Variants in DSCAM observed in about 807,000 individuals in gnomAD.
DSCAM encodes the protein cell adhesion molecule DSCAM.
Under a neutral mutation model 217.7 loss-of-function variants are expected in DSCAM, and 47 were observed. That is an observed-to-expected ratio of 0.22 (90% CI 0.17 to 0.28). The LOEUF (loss-of-function observed/expected upper bound fraction) is 0.28, where lower values mean the gene tolerates loss of function less well. DSCAM is among the 10% of genes least tolerant of loss of function. The pLI is 1.00. For missense variants in DSCAM, 2,080 were observed against 2,618.3 expected (o/e 0.79, Z 4.49); for synonymous variants, 1,056 against 1,015.3 (o/e 1.04, Z -0.76).
chr21:40,394,520 G>T (rs963080334), intron 3 of DSCAM, among the ~76,000 whole-genome samples: 1 of 152,176 alleles, frequency 6.6e-6, no homozygotes, highest in African/African-American at 2.4e-5. Context: ...CGTTTTAACC[G>T]CTTCCAGAGC....
At chr21:40,527,892 G>A (rs975680044) in intron 3 of DSCAM, among the ~76,000 whole-genome samples, 39 of 152,178 alleles carry the variant, frequency 2.6e-4, no homozygotes, top group Admixed American at 2.0e-3. Flanking sequence ...AAGACCACCC[G>A]CCTCATAGCT....
chr21:40,705,471 T>C (rs2090703652), intron 2 of DSCAM, among the ~76,000 whole-genome samples: 1 of 152,160 alleles, frequency 6.6e-6, no homozygotes, highest in Admixed American at 6.5e-5. Flanking sequence ...TACCCAAGAC[T>C]GGGCAATTTA....
chr21:40,051,753 A>G (rs2088935155), intron 30 of DSCAM, among the ~76,000 whole-genome samples: 1 of 152,222 alleles, frequency 6.6e-6, no homozygotes, highest in Non-Finnish European at 1.5e-5. Context: ...TATAGTAACC[A>G]ATACTAACAG....
chr21:40,693,959 T>C (rs1405814002), intron 2 of DSCAM, among the ~76,000 whole-genome samples: 1 of 152,122 alleles, frequency 6.6e-6, no homozygotes, highest in East Asian at 1.9e-4. Flanking sequence ...GCAAATCCTC[T>C]CACCATCTAT....
chr21:40,692,935 A>G lies in DSCAM; in HGVS notation c.383T>C (p.Val128Ala), dbSNP rs778173590. The G allele has an allele frequency of 3.1e-6, 5 of 1,613,880 alleles. No individual in the cohort carries two copies. The East Asian group carries it at 8.9e-5, about 29-fold the overall frequency. The change falls in exon 3 of 33, where the codon GTC (valine) becomes GCC (alanine). Residue 128 changes from valine (V) to alanine (A), a missense_variant. This residue lies in a region of DSCAM where 568 missense variants were observed against 678.1 expected (regional missense o/e 0.84). Transcript: ENST00000400454. ...CATGGTTTTCTGGTCCTCCACACGG[A>G]CTGTATAGGGCTCCCGTAAAACTGG... ...IKAVLREPYT[V>A]RVEDQKTMRG...
rs1461273739 is a variant in DSCAM, at chr21:40,846,667, T to A, written c.-6A>T. 5.2e-6 allele frequency: 6 copies of A among 1,162,226 alleles called. No individual in the cohort carries two copies. Among genetic ancestry groups the A allele is most frequent in the East Asian group, 4.7e-5 (1 of 21,440 alleles). 72.0% of individuals were successfully genotyped at this position (1,162,226 alleles called of 1,614,324 possible). On this transcript the variant is annotated 5_prime_UTR_variant, in exon 1 of 33. Coordinates refer to ENST00000400454, the MANE Select transcript of DSCAM (RefSeq NM_001389.5). ...GAGAGAGCCAGTATCCACATGCCCC[T>A]GCCGCTCCCCGGCCTCCCGCGAGCG...
chr21:40,301,948 T>C (rs2074021362), intron 9 of DSCAM, among the ~76,000 whole-genome samples: 1 of 152,116 alleles, frequency 6.6e-6, no homozygotes, highest in Non-Finnish European at 1.5e-5. Context: ...GCCAAGAAGA[T>C]ACAGAGCCTG....
intron 3 of DSCAM, among the ~76,000 whole-genome samples, chr21:40,668,460 G>C (rs2090229585): frequency 6.6e-6 from 1 of 152,156 alleles, no homozygotes; most frequent in Non-Finnish European, 1.5e-5. Flanking sequence ...TAAGGGCATT[G>C]GTATTTGTAA....
At chr21:40,210,257 G>T (rs950581782) in intron 11 of DSCAM, among the ~76,000 whole-genome samples, 1 of 152,066 alleles carries the variant, frequency 6.6e-6, no homozygotes, top group Non-Finnish European at 1.5e-5. Context: ...AGCCCTCCCT[G>T]ACCTCACCCC....
chr21:40,595,835 C>T (rs1030892090), intron 3 of DSCAM, among the ~76,000 whole-genome samples: 4 of 152,184 alleles, frequency 2.6e-5, no homozygotes, highest in South Asian at 2.1e-4. Flanking sequence ...ATCCAAACAT[C>T]GCGAATGAGA....
intron 11 of DSCAM, among the ~76,000 whole-genome samples, chr21:40,218,448 T>C (rs1007443102): frequency 1.3e-5 from 2 of 152,238 alleles, no homozygotes; most frequent in African/African-American, 4.8e-5. Context: ...CTTTGTTCTT[T>C]TTGCTTAAGA....
intron 3 of DSCAM, among the ~76,000 whole-genome samples, chr21:40,386,290 A>AC (rs1204420212): frequency 1.3e-5 from 2 of 152,250 alleles, no homozygotes; most frequent in Admixed American, 1.3e-4. Flanking sequence ...TAAAAGGAAA[A>AC]TACTGTCAGG....
At chr21:40,561,225 TG>T (rs1281004208) in intron 3 of DSCAM, among the ~76,000 whole-genome samples, 3 of 152,274 alleles carry the variant, frequency 2.0e-5, no homozygotes, top group African/African-American at 7.2e-5. Context: ...ACAGTGATGA[TG>T]GTAACAGTCT....
intron 14 of DSCAM, among the ~76,000 whole-genome samples, chr21:40,186,716 T>A (rs1178622831): frequency 6.6e-6 from 1 of 152,220 alleles, no homozygotes; most frequent in Non-Finnish European, 1.5e-5. Flanking sequence ...CAAGCACAGC[T>A]TGAGCTCAAC....
intron 18 of DSCAM, among the ~76,000 whole-genome samples, chr21:40,142,180 G>A (rs774944311): frequency 3.3e-5 from 5 of 152,248 alleles, no homozygotes; most frequent in Non-Finnish European, 7.3e-5. Context: ...ACGTTTCCCC[G>A]CGGAGTTCTA....
Position 40,360,121 on chromosome 21 carries a change from G to GTTTTTTTTTTTTTTTTTTTTTTTT in DSCAM, c.656-6379_656-6378insAAAAAAAAAAAAAAAAAAAAAAAA, listed in dbSNP as rs764160478. Among the ~76,000 whole-genome samples, 12 of 82,656 alleles carry GTTTTTTTTTTTTTTTTTTTTTTTT rather than the reference G, an allele frequency of 1.5e-4. 6 individuals carry two copies. The highest frequency in any genetic ancestry group is 3.0e-4 in the Admixed American group (2 of 6,776). The allele number at this position is 82,656 out of a possible 152,430, so 54.2% of individuals were successfully genotyped here. A position where few individuals can be genotyped will look rare whatever the true frequency, so the allele number is the denominator to read the frequency against. On this transcript the variant is annotated intron_variant, in intron 4 of 32. Transcript: ENST00000400454. ...TAGTGAGCATGGTACTTCATAGGTA[G>GTTTTTTTTTTTTTTTTTTTTTTTT]TCTTTTTTTTTTTTTTTTTTTTTTT...
chr21:40,153,345 A>G lies in DSCAM; in HGVS notation c.3019-8614T>C, dbSNP rs186662988. Among the ~76,000 whole-genome samples the G allele has an allele frequency of 5.3e-5, 8 of 152,310 alleles. No individual in the cohort carries two copies. In the East Asian group the frequency reaches 1.5e-3, roughly 29 times the overall value. On this transcript the variant is annotated intron_variant, in intron 16 of 32. Transcript: ENST00000400454. ...TGCCCAGAGTACTATGGAGGGGCAA[A>G]TCGTGGTCAGAAGGATTGCCAGAGA...
chr21:40,352,463 G>A lies in DSCAM; in HGVS notation c.934+1002C>T, dbSNP rs575984696. Reference sequence around the variant, plus strand: ...CAGGCTGGACAGCCTGTTCCAGATAGAGAGTCATTTGGATATTTAATATAA... The same window carrying A: ...CAGGCTGGACAGCCTGTTCCAGATAAAGAGTCATTTGGATATTTAATATAA... On this transcript the variant is annotated intron_variant, in intron 5 of 32. Transcript: ENST00000400454. Among the ~76,000 whole-genome samples, 176 of 152,208 alleles carry A rather than the reference G, an allele frequency of 1.2e-3. 2 individuals are homozygous for A. The highest frequency in any genetic ancestry group is 2.1e-3 in the Non-Finnish European group (145 of 68,016).
At chr21:40,658,618 G>A (rs991659650) in intron 3 of DSCAM, among the ~76,000 whole-genome samples, 1 of 152,096 alleles carries the variant, frequency 6.6e-6, no homozygotes, top group African/African-American at 2.4e-5. Flanking sequence ...ATTTGCATAC[G>A]ACTTACAAGT....
Sources: allele counts gnomAD v4.1 joint callset (sites outside exome capture counted in the v4.1 genomes callset), GRCh38; gene constraint gnomAD v4.1.1; regional missense constraint gnomAD v4.1.1; transcripts MANE v1.5; gene names NCBI Gene and HGNC (gene_info 2026-07-23, HGNC 2026-07-21).